PITPNC1: variants seen among roughly 807,000 people sequenced by gnomAD.
The protein encoded by PITPNC1 is cytoplasmic phosphatidylinositol transfer protein 1.
PITPNC1 carries 18 observed loss-of-function variants against 44.7 expected under a neutral mutation model. The observed-to-expected ratio is 0.40, with a 90% CI of 0.28 to 0.60. PITPNC1 has a LOEUF of 0.60. Among genes scored for constraint, PITPNC1 ranks in the 20% least tolerant of loss-of-function variants. PITPNC1 has a pLI of 0.39. For missense variants in PITPNC1, 290 were observed against 418.4 expected, an observed-to-expected ratio of 0.69 and a Z score of 2.68; for synonymous variants, 141 against 149.6, an observed-to-expected ratio of 0.94 and a Z score of 0.42.
rs150950664 is a variant in PITPNC1, at chr17:67,671,415, C to T, written c.618+1752C>T. ...TCCACTTAAAAACTGATAAGAGTAG[C>T]TTGCCAAAATTATTTTGGAGTCACT... On this transcript the variant is annotated intron_variant, in intron 7 of 8. Coordinates refer to ENST00000581322, the MANE Select transcript of PITPNC1 (RefSeq NM_012417.4). Among the ~76,000 whole-genome samples the T allele has an allele frequency of 3.6e-3, 551 of 152,292 alleles. 3 individuals carry two copies. The highest frequency in any genetic ancestry group is 5.5e-3 in the Non-Finnish European group (374 of 68,024).
intron 1 of PITPNC1, chr17:67,471,394 T>C: frequency 3.3e-6 from 1 of 306,912 alleles, no homozygotes; most frequent in South Asian, 2.5e-5. Flanking sequence ...CAGTTTTGGA[T>C]GATTTTGAGT....
chr17:67,683,089 G>A (rs926523725), intron 8 of PITPNC1, among the ~76,000 whole-genome samples: 1 of 149,972 alleles, frequency 6.7e-6, no homozygotes, highest in Admixed American at 6.7e-5. Flanking sequence ...GAACCCGGAA[G>A]GCCGAGTTTG....
At chr17:67,493,010 A>C (rs540592267) in intron 1 of PITPNC1, among the ~76,000 whole-genome samples, 2 of 152,184 alleles carry the variant, frequency 1.3e-5, no homozygotes, top group East Asian at 1.9e-4. Flanking sequence ...TTACATTCTC[A>C]GGAGCTGAAT....
At chr17:67,379,658 A>G (rs1300643528) in intron 1 of PITPNC1, among the ~76,000 whole-genome samples, 2 of 152,174 alleles carry the variant, frequency 1.3e-5, no homozygotes, top group South Asian at 2.1e-4. Flanking sequence ...AGAAGGGCAA[A>G]TGAATGGGAC....
At chr17:67,385,685 C>G (rs890427808) in intron 1 of PITPNC1, among the ~76,000 whole-genome samples, 3 of 152,138 alleles carry the variant, frequency 2.0e-5, no homozygotes, top group Non-Finnish European at 4.4e-5. Flanking sequence ...GGAACCATCT[C>G]CGGACACAGT....
At position 67,425,199 on chromosome 17, in the gene PITPNC1, ACACG is replaced by A. The variant is rs199550886; in HGVS notation, c.48+47001_48+47004del. On this transcript the variant is annotated intron_variant, in intron 1 of 8. Transcript: ENST00000581322. ...ACAGCCATGTTGTGCGCGCGCACGC[ACACG>A]CACACACACACACACACACACACAC... is the stretch of plus-strand genomic sequence containing the variant. 2.7e-3 allele frequency among the ~76,000 whole-genome samples: 166 copies of A among 62,588 alleles called. 12 individuals are homozygous for A. Among genetic ancestry groups the A allele is most frequent in the African/African-American group, 4.7e-3 (68 of 14,508 alleles). The allele number at this position is 62,588 out of a possible 152,430, so 41.1% of individuals were successfully genotyped here.
intron 5 of PITPNC1, among the ~76,000 whole-genome samples, chr17:67,610,435 A>G (rs1177984500): frequency 1.3e-5 from 2 of 152,228 alleles, no homozygotes; most frequent in Non-Finnish European, 2.9e-5. Context: ...CCTAATTTGC[A>G]TAAATAAATA....
intron 2 of PITPNC1, among the ~76,000 whole-genome samples, chr17:67,539,701 G>C (rs977771725): frequency 6.6e-6 from 1 of 152,174 alleles, no homozygotes; most frequent in Non-Finnish European, 1.5e-5. Context: ...GGCCGGGCGT[G>C]GTGGCGGGCA....
intron 1 of PITPNC1, among the ~76,000 whole-genome samples, chr17:67,464,544 G>C (rs1489866639): frequency 3.9e-5 from 6 of 152,108 alleles, no homozygotes; most frequent in Non-Finnish European, 8.8e-5. Flanking sequence ...ATGGTAAATT[G>C]GAATTGGAAC....
chr17:67,673,399 G>A (rs180776342), intron 7 of PITPNC1, among the ~76,000 whole-genome samples: 7,712 of 151,904 alleles, frequency 0.051, 231 homozygotes, highest in Middle Eastern at 0.13. Context: ...TCTCACACAC[G>A]CAGACACACA....
At chr17:67,544,085 A>G (rs1042123806) in intron 2 of PITPNC1, among the ~76,000 whole-genome samples, 5 of 152,196 alleles carry the variant, frequency 3.3e-5, no homozygotes, top group Admixed American at 2.0e-4. Context: ...TCCTGACCTC[A>G]GGTGATCCGC....
rs1171544007 is a variant in PITPNC1, at chr17:67,434,121, T to C, written c.48+55919T>C. Among the ~76,000 whole-genome samples the C allele has an allele frequency of 3.3e-5, 5 of 152,032 alleles. No individual in the cohort carries two copies. The East Asian group carries it at 9.6e-4, about 29-fold the overall frequency. ...GTGGTTTAAGAGAGAGGCTTGATTA[T>C]AGATGTTAGGAAGTCAAGAGCCCAG... On this transcript the variant is annotated intron_variant, in intron 1 of 8. Transcript: ENST00000581322.
chr17:67,661,419 C>A (rs1318737408), intron 6 of PITPNC1, among the ~76,000 whole-genome samples: 1 of 152,020 alleles, frequency 6.6e-6, no homozygotes, highest in Non-Finnish European at 1.5e-5. Context: ...ACTTTATATC[C>A]TATTAATCAA....
intron 6 of PITPNC1, among the ~76,000 whole-genome samples, chr17:67,642,256 A>G (rs2042100498): frequency 6.6e-6 from 1 of 152,180 alleles, no homozygotes; most frequent in South Asian, 2.1e-4. Context: ...AGCAGGGGTC[A>G]CCAAAAATAA....
chr17:67,533,158 G>T (rs967204793), intron 2 of PITPNC1, among the ~76,000 whole-genome samples: 1 of 152,154 alleles, frequency 6.6e-6, no homozygotes, highest in Admixed American at 6.5e-5. Flanking sequence ...TTTTTAGGAG[G>T]CCAAGGTGGG....
chr17:67,684,957 C>T (rs2042785698), intron 8 of PITPNC1, among the ~76,000 whole-genome samples: 1 of 152,244 alleles, frequency 6.6e-6, no homozygotes, highest in Non-Finnish European at 1.5e-5. Flanking sequence ...AAACCTATAA[C>T]TCCTTGGCTT....
chr17:67,650,984 A>G (rs1236128249), intron 6 of PITPNC1, among the ~76,000 whole-genome samples: 1 of 152,228 alleles, frequency 6.6e-6, no homozygotes, highest in Admixed American at 6.5e-5. Context: ...GAAAAAACAC[A>G]AACCGCTCAG....
intron 5 of PITPNC1, among the ~76,000 whole-genome samples, chr17:67,582,481 G>A (rs1396783259): frequency 1.3e-5 from 2 of 151,956 alleles, no homozygotes; most frequent in Non-Finnish European, 2.9e-5. Context: ...ATTGAAAGAG[G>A]CTGCTGATAG....
In PITPNC1 at chr17:67,377,872, C is replaced by T. The variant is rs1333804164; in HGVS notation, c.-283C>T. On this transcript the variant is annotated 5_prime_UTR_variant, in exon 1 of 9. Coordinates refer to ENST00000581322, the MANE Select transcript of PITPNC1 (RefSeq NM_012417.4). ...GGCAGCCGAGCAGAGTCGTCCCCAG[C>T]GGGTCTCCCTCCCTGCCTCCCTGAC... 4 of 374,170 alleles carry T rather than the reference C, an allele frequency of 1.1e-5. No individual in the cohort carries two copies. The highest frequency in any genetic ancestry group is 1.9e-5 in the Non-Finnish European group (4 of 211,082). The allele number at this position is 374,170 out of a possible 1,614,324, so 23.2% of individuals were successfully genotyped here. A position where few individuals can be genotyped will look rare whatever the true frequency, so the allele number is the denominator to read the frequency against.
Sources: allele counts gnomAD v4.1 joint callset (sites outside exome capture counted in the v4.1 genomes callset), GRCh38; gene constraint gnomAD v4.1.1; transcripts MANE v1.5; gene names NCBI Gene and HGNC (gene_info 2026-07-23, HGNC 2026-07-21).